CDH13: variants seen among roughly 807,000 people sequenced by gnomAD.
The protein encoded by CDH13 is cadherin 13.
In CDH13, 24 loss-of-function variants were observed where a neutral mutation model predicts 63.8. The observed-to-expected ratio is 0.38, with a 90% CI of 0.27 to 0.53. The LOEUF is 0.53. Ranked by LOEUF, CDH13 falls within the 20% of genes least tolerant of loss-of-function variation. The pLI is 0.85. For missense variants in CDH13, 1,049 were observed against 903.1 expected, an observed-to-expected ratio of 1.16 and a Z score of -2.07; for synonymous variants, 503 against 355.3, an observed-to-expected ratio of 1.42 and a Z score of -4.67.
chr16:83,093,790 G>C (rs2034050486), intron 3 of CDH13, among the ~76,000 whole-genome samples: 1 of 152,144 alleles, frequency 6.6e-6, no homozygotes, highest in Non-Finnish European at 1.5e-5. Flanking sequence ...AGAGTTCTCA[G>C]TCGGAAAGCA....
At chr16:83,532,806 G>C in intron 7 of CDH13, among the ~76,000 whole-genome samples, 1 of 152,172 alleles carries the variant, frequency 6.6e-6, no homozygotes, top group East Asian at 1.9e-4. Flanking sequence ...GTCCCATTAA[G>C]CCATGTGAAC....
chr16:82,838,812 C>A (rs572271310), intron 1 of CDH13, among the ~76,000 whole-genome samples: 1 of 152,172 alleles, frequency 6.6e-6, no homozygotes, highest in Non-Finnish European at 1.5e-5. Flanking sequence ...CCTCTCCAGG[C>A]GGTTTATTCT....
intron 5 of CDH13, among the ~76,000 whole-genome samples, chr16:83,286,460 G>A (rs920506841): frequency 3.3e-5 from 5 of 152,062 alleles, no homozygotes; most frequent in African/African-American, 7.2e-5. Context: ...AGAAGTTTCC[G>A]TTGTCAAATT....
intron 6 of CDH13, among the ~76,000 whole-genome samples, chr16:83,483,421 A>T (rs2073817808): frequency 6.6e-6 from 1 of 151,942 alleles, no homozygotes; most frequent in Admixed American, 6.6e-5. Context: ...AGATATCCTC[A>T]GTGAATTTCC....
chr16:82,811,048 A>G (rs1459976940), intron 1 of CDH13, among the ~76,000 whole-genome samples: 2 of 152,164 alleles, frequency 1.3e-5, no homozygotes, highest in African/African-American at 4.8e-5. Context: ...ATTTTAAATT[A>G]CGATATAAGC....
chr16:83,326,737 T>C (rs1436506866), intron 5 of CDH13, among the ~76,000 whole-genome samples: 1 of 152,158 alleles, frequency 6.6e-6, no homozygotes. Context: ...TAAGACACTT[T>C]AATTCTGGGC....
At chr16:83,062,665 G>C (rs1238784206) in intron 3 of CDH13, among the ~76,000 whole-genome samples, 3 of 152,206 alleles carry the variant, frequency 2.0e-5, no homozygotes, top group African/African-American at 7.2e-5. Flanking sequence ...AAAGCAGGTA[G>C]AGAGGTGTTT....
In CDH13 at chr16:83,483,473, T is replaced by A. The variant is rs2151558644; in HGVS notation, c.782-3004T>A. On this transcript the variant is annotated intron_variant, in intron 6 of 13. Coordinates refer to ENST00000567109, the MANE Select transcript of CDH13 (RefSeq NM_001257.5). ...CTCATCAACCTGAAAGGTCTTTTTT[T>A]TTTTTTTCTTCCTCTAATCATTTTA... Among the ~76,000 whole-genome samples, 3 of 152,306 alleles carry A rather than the reference T, an allele frequency of 2.0e-5. No homozygotes were observed. In the East Asian group the frequency reaches 5.8e-4, roughly 29 times the overall value.
intron 5 of CDH13, among the ~76,000 whole-genome samples, chr16:83,299,293 A>G (rs1597695516): frequency 0.011 from 1 of 94 alleles, no homozygotes; most frequent in South Asian, 0.5. Flanking sequence ...TCAGGCCATG[A>G]AAAAAAAAAA....
At chr16:83,317,331 T>A (rs768453732) in intron 5 of CDH13, among the ~76,000 whole-genome samples, 1 of 152,194 alleles carries the variant, frequency 6.6e-6, no homozygotes, top group Non-Finnish European at 1.5e-5. Flanking sequence ...TGCTTGAATG[T>A]GATACAAGCA....
At chr16:83,741,500 A>ATG (rs1555523570) in intron 10 of CDH13, among the ~76,000 whole-genome samples, 27,247 of 149,688 alleles carry the variant, frequency 0.18, 2,936 homozygotes, top group East Asian at 0.55. Context: ...ATATATATAT[A>ATG]TGTGTGTGTG....
intron 4 of CDH13, among the ~76,000 whole-genome samples, chr16:83,195,134 T>C (rs2038841700): frequency 6.6e-6 from 1 of 152,192 alleles, no homozygotes. Flanking sequence ...TGTAGCTTTA[T>C]TTACATCATT....
Position 82,922,289 on chromosome 16 carries a change from T to A in CDH13, c.157+63816T>A, listed in dbSNP as rs77973635. ...TCAAAGAAGCCATTGGCAAATTAAA[T>A]ATGACTGGACAACTTTTCACATAAG... On this transcript the variant is annotated intron_variant, in intron 2 of 13. Coordinates refer to ENST00000567109, the MANE Select transcript of CDH13 (RefSeq NM_001257.5). Among the ~76,000 whole-genome samples the A allele has an allele frequency of 1.0e-3, 159 of 152,308 alleles. 3 individuals carry two copies. In the East Asian group the frequency reaches 0.027, roughly 26 times the overall value.
intron 7 of CDH13, among the ~76,000 whole-genome samples, chr16:83,530,978 ACTC>A (rs1404410145): frequency 6.6e-6 from 1 of 151,494 alleles, no homozygotes. Context: ...TGATGTCTCC[ACTC>A]CTCCATTTCC....
chr16:83,480,061 A>C (rs183090040), intron 6 of CDH13, among the ~76,000 whole-genome samples: 6 of 152,336 alleles, frequency 3.9e-5, no homozygotes, highest in African/African-American at 1.4e-4. Context: ...GTGATGGCTC[A>C]CATCTGTAAT....
intron 1 of CDH13, among the ~76,000 whole-genome samples, 200 bp downstream of exon 1, chr16:82,627,337 CGTGTGT>C (rs71146081): frequency 0.076 from 9,963 of 131,148 alleles, 524 homozygotes; most frequent in East Asian, 0.33. Context: ...CTCTGGCGTG[CGTGTGT>C]GTGTGTGTGT....
chr16:83,712,298 A>AC (rs1475917286), intron 10 of CDH13, among the ~76,000 whole-genome samples: 1 of 152,178 alleles, frequency 6.6e-6, no homozygotes, highest in East Asian at 1.9e-4. Flanking sequence ...CCGCCAGAGC[A>AC]CTGGGGGCTC....
chr16:82,786,497 TG>T (rs1255582944), intron 1 of CDH13, among the ~76,000 whole-genome samples: 4 of 71,932 alleles, frequency 5.6e-5, no homozygotes, highest in Admixed American at 1.7e-4. Context: ...CTTCTTCTTT[TG>T]TGTGTGTGTG....
chr16:83,225,363 C>G (rs1182400133), intron 5 of CDH13, among the ~76,000 whole-genome samples: 1 of 152,178 alleles, frequency 6.6e-6, no homozygotes, highest in Non-Finnish European at 1.5e-5. Flanking sequence ...CATCCAATTC[C>G]AACTCTTCCA....
Sources: allele counts gnomAD v4.1 joint callset (sites outside exome capture counted in the v4.1 genomes callset), GRCh38; gene constraint gnomAD v4.1.1; transcripts MANE v1.5; gene names NCBI Gene and HGNC (gene_info 2026-07-23, HGNC 2026-07-21).